RBM8A: variants seen among roughly 807,000 people sequenced by gnomAD.
RBM8A encodes the protein RNA binding motif protein 8A.
A neutral mutation model predicts 25.1 loss-of-function variants in RBM8A; 8 were observed. The ratio of observed to expected loss-of-function variants is 0.32; its 90% CI spans 0.19 to 0.58. The LOEUF (loss-of-function observed/expected upper bound fraction) is 0.58, where lower values mean the gene tolerates loss of function less well. RBM8A is among the 20% of genes least tolerant of loss of function. The probability of loss-of-function intolerance (pLI) is 0.88; values close to 1 mark genes in which losing one functional copy is unlikely to be tolerated. For synonymous variants in RBM8A, 66 were observed against 80.0 expected (o/e 0.82, Z 0.94); for missense variants, 114 against 236.8 (o/e 0.48, Z 3.40).
chr1:145,926,350 T>C, intron 4 of RBM8A, 132 bp downstream of exon 4: 1 of 1,472,948 alleles, frequency 6.8e-7, no homozygotes. Context: ...CTTTGGCGTG[T>C]CTGACAAAAC....
chr1:145,924,642 C>G lies in RBM8A; in HGVS notation c.*1240G>C. 2.8e-6 allele frequency: 1 copy of G among 354,656 alleles called. No individual in the cohort carries two copies. Among genetic ancestry groups the G allele is most frequent in the South Asian group, 2.1e-5 (1 of 47,082 alleles). 22.0% of individuals were successfully genotyped at this position (354,656 alleles called of 1,614,324 possible). A position where few individuals can be genotyped will look rare whatever the true frequency, so the allele number is the denominator to read the frequency against. On this transcript the variant is annotated 3_prime_UTR_variant, in exon 6 of 6. Coordinates refer to ENST00000583313, the MANE Select transcript of RBM8A (RefSeq NM_005105.5). ...TGGCTTCATATTTCTATCATAATCCCTGGGGGTAAGAAATCATATAGTCCC... is the reference window on the plus strand; with the variant it reads ...TGGCTTCATATTTCTATCATAATCCGTGGGGGTAAGAAATCATATAGTCCC...
At position 145,922,125 on chromosome 1, in the gene RBM8A, G is replaced by A. The variant is rs1647814843; in HGVS notation, c.*3757C>T. On this transcript the variant is annotated 3_prime_UTR_variant, in exon 6 of 6. Transcript: ENST00000583313. ...TGTAATCCCAACTACTCAGGAGGCTGAGGCACGAGAATTGCTTGAACCTGG... is the reference window on the plus strand; with the variant it reads ...TGTAATCCCAACTACTCAGGAGGCTAAGGCACGAGAATTGCTTGAACCTGG... The A allele has an allele frequency of 6.6e-6, 1 of 151,644 alleles. No individual in the cohort carries two copies. Among genetic ancestry groups the A allele is most frequent in the Non-Finnish European group, 1.5e-5 (1 of 67,980 alleles). 9.4% of individuals were successfully genotyped at this position (151,644 alleles called of 1,614,324 possible).
intron 5 of RBM8A, 35 bp downstream of exon 5, chr1:145,926,006 C>G: frequency 6.2e-7 from 1 of 1,614,198 alleles, no homozygotes; most frequent in Non-Finnish European, 8.5e-7. Flanking sequence ...TTCGTATTCC[C>G]TTCACCCAGA....
In RBM8A at chr1:145,923,379, C is replaced by A. The variant is rs966702890; in HGVS notation, c.*2503G>T. On this transcript the variant is annotated 3_prime_UTR_variant, in exon 6 of 6. Transcript: ENST00000583313. ...CCCAACTAGCTCAGAGTAGCCTGAT[C>A]GTAACTCCAAACAGTTCACAAAATT... is the stretch of plus-strand genomic sequence containing the variant. 1 of 152,744 alleles carries A rather than the reference C, an allele frequency of 6.5e-6. No individual in the cohort carries two copies. Among genetic ancestry groups the A allele is most frequent in the Non-Finnish European group, 1.5e-5 (1 of 68,278 alleles). 9.5% of individuals were successfully genotyped at this position (152,744 alleles called of 1,614,324 possible).
chr1:145,924,127 G>T lies in RBM8A; in HGVS notation c.*1755C>A. ...GTAGGTTGGGTGGTGAGGGGAACCA[G>T]TTCTAATAGTCCTCAACTCCACTCC... On this transcript the variant is annotated 3_prime_UTR_variant, in exon 6 of 6. Transcript: ENST00000583313. 1.4e-6 allele frequency: 1 copy of T among 712,734 alleles called. No homozygotes were observed. Among genetic ancestry groups the T allele is most frequent in the Non-Finnish European group, 2.6e-6 (1 of 382,508 alleles). 44.2% of individuals were successfully genotyped at this position (712,734 alleles called of 1,614,324 possible).
chr1:145,922,014 A>G lies in RBM8A; in HGVS notation c.*3868T>C, dbSNP rs1311281440. On this transcript the variant is annotated 3_prime_UTR_variant, in exon 6 of 6. Coordinates refer to ENST00000583313, the MANE Select transcript of RBM8A (RefSeq NM_005105.5). The stretch of plus-strand genomic sequence containing the variant: ...CAAGGTGGGTGGATCACTTGAGGTC[A>G]GGAGTTTAAGACCAACCTGGCCAAC... 6.6e-6 allele frequency: 1 copy of G among 152,282 alleles called. No individual in the cohort carries two copies. Among genetic ancestry groups the G allele is most frequent in the Non-Finnish European group, 1.5e-5 (1 of 68,074 alleles). The allele number at this position is 152,282 out of a possible 1,614,324, so 9.4% of individuals were successfully genotyped here. A position where few individuals can be genotyped will look rare whatever the true frequency, so the allele number is the denominator to read the frequency against.
rs1647888800 is a variant in RBM8A at position 145,923,099 on chromosome 1, T to C, written c.*2783A>G. On this transcript the variant is annotated 3_prime_UTR_variant, in exon 6 of 6. Transcript: ENST00000583313. ...CACCTACCACCACGCCCGGCTAGTT[T>C]TTTGTATCTTTAGTACAGACAGGGT... The C allele has an allele frequency of 6.6e-6, 1 of 152,050 alleles. No homozygotes were observed. Among genetic ancestry groups the C allele is most frequent in the African/African-American group, 2.4e-5 (1 of 41,364 alleles). 9.4% of individuals were successfully genotyped at this position (152,050 alleles called of 1,614,324 possible).
Position 145,924,837 on chromosome 1 carries a change from C to T in RBM8A, c.*1045G>A, listed in dbSNP as rs1463050679. 1.2e-5 allele frequency: 4 copies of T among 338,638 alleles called. No homozygotes were observed. The highest frequency in any genetic ancestry group is 7.6e-5 in the African/African-American group (3 of 39,660). 21.0% of individuals were successfully genotyped at this position (338,638 alleles called of 1,614,324 possible). ...TAGCCCCTGCTGGTGAATTTGCCCTCCCCCGCTCCTTTGACAATTGTCCCC... is the reference window on the plus strand; with the variant it reads ...TAGCCCCTGCTGGTGAATTTGCCCTTCCCCGCTCCTTTGACAATTGTCCCC... On this transcript the variant is annotated 3_prime_UTR_variant, in exon 6 of 6. Coordinates refer to ENST00000583313, the MANE Select transcript of RBM8A (RefSeq NM_005105.5).
chr1:145,926,973 C>G (rs1553756082), intron 2 of RBM8A, 45 bp downstream of exon 2: 1 of 1,614,026 alleles, frequency 6.2e-7, no homozygotes, highest in Non-Finnish European at 8.5e-7. Context: ...AAACCCGTAG[C>G]TCCTGCCCTA....
rs782567667 is a variant in RBM8A, at chr1:145,923,044, C to T, written c.*2838G>A. 11 of 151,970 alleles carry T rather than the reference C, an allele frequency of 7.2e-5. No homozygotes were observed. Among genetic ancestry groups the T allele is most frequent in the Non-Finnish European group, 1.5e-4 (10 of 68,052 alleles). 9.4% of individuals were successfully genotyped at this position (151,970 alleles called of 1,614,324 possible). On this transcript the variant is annotated 3_prime_UTR_variant, in exon 6 of 6. Coordinates refer to ENST00000583313, the MANE Select transcript of RBM8A (RefSeq NM_005105.5). ...TCAGGTCATTCTCCTGCCTCAGCCT[C>T]CCGAGTTCCCAAGTAGCTGGGACTA...
At chr1:145,926,737 C>T in intron 3 of RBM8A, 72 bp downstream of exon 3, 2 of 1,613,832 alleles carry the variant, frequency 1.2e-6, no homozygotes, top group Non-Finnish European at 1.7e-6. Context: ...ATTCCTACTG[C>T]GTTTAACTAT....
intron 4 of RBM8A, 95 bp from the exon 5 acceptor site, chr1:145,926,272 C>A: frequency 6.5e-7 from 1 of 1,536,532 alleles, no homozygotes; most frequent in Non-Finnish European, 8.9e-7. Context: ...GAAAAATCTA[C>A]ACACTTTAAA....
At position 145,922,538 on chromosome 1, in the gene RBM8A, A is replaced by G. The variant is rs1284478659; in HGVS notation, c.*3344T>C. The G allele has an allele frequency of 2.0e-5, 3 of 152,222 alleles. No homozygotes were observed. Among genetic ancestry groups the G allele is most frequent in the Non-Finnish European group, 2.9e-5 (2 of 68,042 alleles). 9.4% of individuals were successfully genotyped at this position (152,222 alleles called of 1,614,324 possible). Reference sequence around the variant, plus strand: ...ATTTCATCCTTTCTTACAGCCTGACAATCTGACAATATTTGCAACCTCTAT... The same window carrying G: ...ATTTCATCCTTTCTTACAGCCTGACGATCTGACAATATTTGCAACCTCTAT... On this transcript the variant is annotated 3_prime_UTR_variant, in exon 6 of 6. Transcript: ENST00000583313.
In RBM8A at chr1:145,926,793, T is replaced by A. The variant is rs1553756019; in HGVS notation, c.205+16A>T. 6.2e-7 allele frequency: 1 copy of A among 1,614,184 alleles called. No homozygotes were observed. The highest frequency in any genetic ancestry group is 2.2e-5 in the East Asian group (1 of 44,886). ...ACCACAGACACGGATACCTCACAGG[T>A]TCCATTATTACTCACAGCGTTGTGG... On this transcript the variant is annotated intron_variant, in intron 3 of 5. Transcript: ENST00000583313.
In RBM8A at chr1:145,927,445, C is replaced by A. The variant is rs760383043; in HGVS notation, c.-19G>T. The A allele has an allele frequency of 1.1e-5, 17 of 1,605,984 alleles. No individual in the cohort carries two copies. Among genetic ancestry groups the A allele is most frequent in the Non-Finnish European group, 1.3e-5 (15 of 1,176,358 alleles). ...CCGCCATCTCGCCTTCGATCGAGATCTCGTCTGTGCCGCTCAGACACTAGG... is the reference window on the plus strand; with the variant it reads ...CCGCCATCTCGCCTTCGATCGAGATATCGTCTGTGCCGCTCAGACACTAGG... On this transcript the variant is annotated 5_prime_UTR_variant, in exon 1 of 6. Transcript: ENST00000583313.
rs1553755459 is a variant in RBM8A, at chr1:145,924,362, C to T, written c.*1520G>A. On this transcript the variant is annotated 3_prime_UTR_variant, in exon 6 of 6. Transcript: ENST00000583313. The stretch of plus-strand genomic sequence containing the variant: ...CAGGCCCCAGACAAGGAAGGGGAGC[C>T]ATGGTGAGACTCCAATTCCCAGGCC... The T allele has an allele frequency of 2.0e-6, 1 of 488,550 alleles. No homozygotes were observed. Among genetic ancestry groups the T allele is most frequent in the Non-Finnish European group, 4.2e-6 (1 of 239,818 alleles). The allele number at this position is 488,550 out of a possible 1,614,324, so 30.3% of individuals were successfully genotyped here.
chr1:145,924,348 C>A lies in RBM8A; in HGVS notation c.*1534G>T, dbSNP rs1647982917. 6.1e-6 allele frequency: 3 copies of A among 494,992 alleles called. No homozygotes were observed. The highest frequency in any genetic ancestry group is 1.9e-5 in the African/African-American group (1 of 51,310). The allele number at this position is 494,992 out of a possible 1,614,324, so 30.7% of individuals were successfully genotyped here. On this transcript the variant is annotated 3_prime_UTR_variant, in exon 6 of 6. Coordinates refer to ENST00000583313, the MANE Select transcript of RBM8A (RefSeq NM_005105.5). The stretch of plus-strand genomic sequence containing the variant: ...GTCCTCAGTGTGTCCAGGCCCCAGA[C>A]AAGGAAGGGGAGCCATGGTGAGACT...
At chr1:145,926,698 C>T (rs1553755988) in intron 3 of RBM8A, 80 bp from the exon 4 acceptor site, 6 of 1,612,666 alleles carry the variant, frequency 3.7e-6, no homozygotes, top group Non-Finnish European at 5.1e-6. Context: ...TGAGTGCGGA[C>T]TCAGATTGTT....
At position 145,926,190 on chromosome 1, in the gene RBM8A, A is replaced by G. The variant is rs1273423836; in HGVS notation, c.343-13T>C. 3.7e-6 allele frequency: 6 copies of G among 1,611,608 alleles called. No homozygotes were observed. The highest frequency in any genetic ancestry group is 5.1e-6 in the Non-Finnish European group (6 of 1,178,876). ...CTAGAGTATACCCCTGGGGAAAGTG[A>G]AAAGACAGATATGAAAACCCTCCTA... is the stretch of plus-strand genomic sequence containing the variant. On this transcript the variant is annotated splice_polypyrimidine_tract_variant and intron_variant, in intron 4 of 5. Coordinates refer to ENST00000583313, the MANE Select transcript of RBM8A (RefSeq NM_005105.5).
Sources: gnomAD v4.1 joint callset for allele counts on GRCh38, gnomAD v4.1.1 for gene constraint, MANE v1.5 for transcripts, NCBI Gene and HGNC (gene_info 2026-07-23, HGNC 2026-07-21) for gene names.